NEBL: variants seen among roughly 807,000 people sequenced by gnomAD.
NEBL encodes nebulette, also known as LIM and SH3 protein 2.
Under a neutral mutation model 140.2 loss-of-function variants are expected in NEBL, and 122 were observed. The ratio of observed to expected loss-of-function variants is 0.87; its 90% confidence interval spans 0.75 to 1.01. NEBL has a LOEUF of 1.01. NEBL is among the 50% of genes least tolerant of loss of function. NEBL has a pLI of 0.00. For synonymous variants in NEBL, 436 were observed against 398.9 expected (o/e 1.09, Z -1.11); for missense variants, 1,365 against 1,231.3 (o/e 1.11, Z -1.62).
intron 2 of NEBL, among the ~76,000 whole-genome samples, chr10:21,103,970 G>A (rs886657616): frequency 1.3e-5 from 2 of 152,162 alleles, no homozygotes; most frequent in African/African-American, 4.8e-5. Context: ...TCCATGAGCT[G>A]TGAGGTAAGT....
chr10:20,973,464 G>C (rs2131642217), intron 3 of NEBL, among the ~76,000 whole-genome samples: 1 of 151,990 alleles, frequency 6.6e-6, no homozygotes. Context: ...TTCCCAGGCT[G>C]GTCTCAAATT....
intron 16 of NEBL, among the ~76,000 whole-genome samples, chr10:20,830,378 T>C (rs1173243460): frequency 6.6e-6 from 1 of 152,218 alleles, no homozygotes; most frequent in East Asian, 1.9e-4. Flanking sequence ...TAGTAAATGT[T>C]ACAGCAAAGA....
chr10:21,223,482 GC>G (rs1842101792), intron 3 of NEBL, among the ~76,000 whole-genome samples: 1 of 152,094 alleles, frequency 6.6e-6, no homozygotes, highest in African/African-American at 2.4e-5. Flanking sequence ...CCAAATCTTG[GC>G]TATTACAAAT....
intron 2 of NEBL, among the ~76,000 whole-genome samples, chr10:21,113,688 C>T (rs1838153106): frequency 1.3e-5 from 2 of 151,996 alleles, no homozygotes; most frequent in South Asian, 4.2e-4. Flanking sequence ...AAATGGAACT[C>T]CTCCCTTTCC....
intron 3 of NEBL, among the ~76,000 whole-genome samples, chr10:21,239,689 C>T (rs931506020): frequency 2.0e-5 from 3 of 152,130 alleles, no homozygotes; most frequent in Non-Finnish European, 4.4e-5. Flanking sequence ...CTTAGCCAGC[C>T]TCGTCCAAAC....
chr10:21,033,321 G>A (rs142625859), intron 2 of NEBL, among the ~76,000 whole-genome samples: 3 of 152,218 alleles, frequency 2.0e-5, no homozygotes, highest in East Asian at 3.9e-4. Flanking sequence ...CTTTGATAAA[G>A]ATAATAAATA....
intron 7 of NEBL, among the ~76,000 whole-genome samples, chr10:20,862,589 C>T (rs1843828470): frequency 1.3e-5 from 2 of 152,190 alleles, no homozygotes; most frequent in Admixed American, 6.5e-5. Context: ...GTGTCTACCT[C>T]CTCATGCAGG....
At position 21,097,230 on chromosome 10, in the gene NEBL, T is replaced by A. The variant is rs11591968; in HGVS notation, c.164+75153A>T. 1.3e-4 allele frequency among the ~76,000 whole-genome samples: 6 copies of A among 46,736 alleles called. 1 individual carries two copies. The highest frequency in any genetic ancestry group is 4.6e-4 in the African/African-American group (5 of 10,958). 30.7% of individuals were successfully genotyped at this position (46,736 alleles called of 152,430 possible). ...CACTTTGGGAGGTCCGGGGGGGGGG[T>A]GGGGCAGATCACAAGGTCAGGGGTT... is the stretch of plus-strand genomic sequence containing the variant. On this transcript the variant is annotated intron_variant, in intron 2 of 6. Transcript: ENST00000417816.
intron 2 of NEBL, among the ~76,000 whole-genome samples, chr10:21,149,639 G>T (rs1445515618): frequency 6.6e-6 from 1 of 152,194 alleles, no homozygotes; most frequent in Non-Finnish European, 1.5e-5. Context: ...GTCTCCCTGA[G>T]TTCTGTGAGC....
At chr10:20,874,752 T>C (rs1374749236) in intron 5 of NEBL, among the ~76,000 whole-genome samples, 1 of 152,176 alleles carries the variant, frequency 6.6e-6, no homozygotes, top group Non-Finnish European at 1.5e-5. Context: ...TTTTTTTTCT[T>C]TTTTGAAGAT....
At chr10:20,983,201 C>A (rs144220385) in intron 3 of NEBL, among the ~76,000 whole-genome samples, 94 of 152,244 alleles carry the variant, frequency 6.2e-4, no homozygotes, top group African/African-American at 2.2e-3. Context: ...AGATAATCTC[C>A]ATAAGTCTTG....
chr10:20,810,576 T>C (rs1430107960), intron 24 of NEBL, among the ~76,000 whole-genome samples: 2 of 152,202 alleles, frequency 1.3e-5, no homozygotes, highest in African/African-American at 4.8e-5. Context: ...ATCAGCTTCC[T>C]GCTGTCAATG....
chr10:20,843,529 T>C (rs1564374509), intron 12 of NEBL, among the ~76,000 whole-genome samples: 1 of 138,162 alleles, frequency 7.2e-6, no homozygotes, highest in East Asian at 2.2e-4. Context: ...ATATAAGTGA[T>C]TAAAAAAAGA....
chr10:21,146,661 C>G, intron 2 of NEBL: 4 of 565,992 alleles, frequency 7.1e-6, no homozygotes, highest in Non-Finnish European at 6.1e-6. Context: ...ATGAGATGCT[C>G]TGAAAAGTCT....
chr10:20,891,418 A>G (rs938122336), intron 2 of NEBL, among the ~76,000 whole-genome samples: 14 of 152,238 alleles, frequency 9.2e-5, no homozygotes, highest in African/African-American at 3.4e-4. Flanking sequence ...CATATGGAGA[A>G]AAAAGTATCT....
intron 11 of NEBL, among the ~76,000 whole-genome samples, chr10:20,849,777 G>A (rs1842328635): frequency 6.6e-6 from 1 of 152,216 alleles, no homozygotes; most frequent in South Asian, 2.1e-4. Context: ...ATAAACTAAA[G>A]AGAAAAGGAA....
chr10:20,842,232 A>G (rs1468596423), intron 12 of NEBL, among the ~76,000 whole-genome samples: 1 of 152,100 alleles, frequency 6.6e-6, no homozygotes, highest in East Asian at 1.9e-4. Flanking sequence ...TAATTTTGGA[A>G]TGATCTGAGT....
At chr10:21,077,546 G>T (rs1293280135) in intron 2 of NEBL, among the ~76,000 whole-genome samples, 1 of 152,012 alleles carries the variant, frequency 6.6e-6, no homozygotes, top group Admixed American at 6.6e-5. Flanking sequence ...GGTGGAGCTT[G>T]CAGTGAGCCG....
chr10:21,052,872 T>G (rs1834837582), intron 2 of NEBL, among the ~76,000 whole-genome samples: 1 of 152,150 alleles, frequency 6.6e-6, no homozygotes, highest in South Asian at 2.1e-4. Flanking sequence ...ATGACTCCAC[T>G]AAAGACCTGG....
Sources: gnomAD v4.1 joint callset for allele counts (sites outside exome capture counted in the v4.1 genomes callset) on GRCh38, gnomAD v4.1.1 for gene constraint, MANE v1.5 for transcripts, NCBI Gene and HGNC (gene_info 2026-07-23, HGNC 2026-07-21) for gene names.